Variants in UBR3 observed in about 807,000 individuals in gnomAD.
The protein encoded by UBR3 is ubiquitin protein ligase E3 component n-recognin 3, also known as E3 ubiquitin-protein ligase UBR3.
In UBR3, 85 loss-of-function variants were observed where a neutral mutation model predicts 243.2. The observed-to-expected ratio is 0.35, with a 90% CI of 0.29 to 0.42. The LOEUF (loss-of-function observed/expected upper bound fraction) is 0.42, where lower values mean the gene tolerates loss of function less well. UBR3 is among the 10% of genes least tolerant of loss of function. UBR3 has a pLI of 1.00. For synonymous variants in UBR3, 748 were observed against 799.8 expected (o/e 0.94, Z 1.09); for missense variants, 1,686 against 2,300.8 (o/e 0.73, Z 5.47).
chr2:169,965,931 A>T (rs1264472321), intron 24 of UBR3, among the ~76,000 whole-genome samples: 1 of 152,162 alleles, frequency 6.6e-6, no homozygotes, highest in African/African-American at 2.4e-5. Context: ...GAAGCATAAC[A>T]TACAAAATAT....
intron 1 of UBR3, among the ~76,000 whole-genome samples, chr2:169,867,379 G>T (rs934469491): frequency 6.6e-6 from 1 of 151,830 alleles, no homozygotes; most frequent in African/African-American, 2.4e-5. Context: ...CCTCATTTTT[G>T]TAAAAATCAA....
rs189001491 is a variant in UBR3 at position 170,077,442 on chromosome 2, T to C, written c.5200-2372T>C. ...TTGTTAGGCAAAAGGTGGCTTTCAG[T>C]TCAGGATGTGTTACATGGGCTTTCT... On this transcript the variant is annotated intron_variant, in intron 36 of 38. Transcript: ENST00000272793. 1,067 of 1,485,922 alleles carry C rather than the reference T, an allele frequency of 7.2e-4. 18 individuals are homozygous for C. In the Admixed American group the frequency reaches 0.023, roughly 32 times the overall value. The allele number at this position is 1,485,922 out of a possible 1,614,324, so 92.0% of individuals were successfully genotyped here.
chr2:170,040,798 C>G (rs1013122033), intron 31 of UBR3, 84 bp from the exon 32 acceptor site: 2 of 1,006,394 alleles, frequency 2.0e-6, no homozygotes. Flanking sequence ...TATTTCTGTT[C>G]CATAGATATA....
chr2:170,031,984 T>C (rs1488130006), intron 31 of UBR3, among the ~76,000 whole-genome samples: 1 of 152,202 alleles, frequency 6.6e-6, no homozygotes. Flanking sequence ...GTGATGTACA[T>C]GCAAGTACAT....
intron 19 of UBR3, among the ~76,000 whole-genome samples, chr2:169,939,354 G>T (rs2086479566): frequency 1.3e-5 from 2 of 151,158 alleles, no homozygotes; most frequent in South Asian, 2.1e-4. Context: ...CATCTCCCAG[G>T]TTCATGCCAT....
intron 31 of UBR3, among the ~76,000 whole-genome samples, chr2:170,032,379 G>T (rs2090696067): frequency 6.6e-6 from 1 of 151,902 alleles, no homozygotes; most frequent in Non-Finnish European, 1.5e-5. Flanking sequence ...TGGGTTAATT[G>T]GATATTCACA....
In UBR3 at chr2:169,947,295, G is replaced by T. The variant is rs561096342; in HGVS notation, c.2911-247G>T. 24 of 274,258 alleles carry T rather than the reference G, an allele frequency of 8.8e-5. No individual in the cohort carries two copies. In the South Asian group the frequency reaches 2.8e-3, roughly 32 times the overall value. The allele number at this position is 274,258 out of a possible 1,614,324, so 17.0% of individuals were successfully genotyped here. A position where few individuals can be genotyped will look rare whatever the true frequency, so the allele number is the denominator to read the frequency against. On this transcript the variant is annotated intron_variant, in intron 21 of 38. Coordinates refer to ENST00000272793, the MANE Select transcript of UBR3 (RefSeq NM_172070.4). ...TAGATTGAAAAATGTATTTAAAAAT[G>T]TATTTTAAATCAGGAATTTAGCTGA...
chr2:169,890,565 G>GTATATATATA (rs1159868093), intron 5 of UBR3, among the ~76,000 whole-genome samples: 5 of 71,196 alleles, frequency 7.0e-5, no homozygotes, highest in African/African-American at 1.5e-4. Context: ...ATATATATAT[G>GTATATATATA]TGTATATATA....
chr2:169,906,713 T>C (rs1402873332), intron 10 of UBR3, among the ~76,000 whole-genome samples: 2 of 152,180 alleles, frequency 1.3e-5, no homozygotes, highest in Non-Finnish European at 2.9e-5. Context: ...CCAGTAATCA[T>C]GCTGGACAAG....
intron 1 of UBR3, 108 bp downstream of exon 1, chr2:169,828,160 C>A: frequency 1.4e-6 from 1 of 712,546 alleles, no homozygotes; most frequent in Non-Finnish European, 1.6e-6. Flanking sequence ...GGGGAGGGTG[C>A]GGGGGAGGGT....
At chr2:170,071,940 G>A (rs906741612) in intron 35 of UBR3, among the ~76,000 whole-genome samples, 5 of 152,190 alleles carry the variant, frequency 3.3e-5, no homozygotes, top group African/African-American at 1.2e-4. Flanking sequence ...TGGAGAGGAT[G>A]TGGAGAAATA....
intron 29 of UBR3, among the ~76,000 whole-genome samples, chr2:170,011,528 A>T (rs1313294725): frequency 6.6e-6 from 1 of 151,602 alleles, no homozygotes; most frequent in African/African-American, 2.4e-5. Context: ...TTAGAGCTGG[A>T]TTTCTCCCTG....
intron 24 of UBR3, among the ~76,000 whole-genome samples, chr2:169,985,137 C>T (rs1368402949): frequency 6.6e-6 from 1 of 151,622 alleles, no homozygotes; most frequent in African/African-American, 2.4e-5. Context: ...CTCCTTTGCA[C>T]TTGAGAGCAG....
At chr2:170,042,917 G>C (rs2105433384) in intron 32 of UBR3, among the ~76,000 whole-genome samples, 1 of 152,032 alleles carries the variant, frequency 6.6e-6, no homozygotes, top group South Asian at 2.1e-4. Context: ...CTGTTAAGTA[G>C]TCTTATTAAA....
chr2:169,922,424 T>C (rs1340303839), intron 11 of UBR3, among the ~76,000 whole-genome samples: 2 of 152,194 alleles, frequency 1.3e-5, no homozygotes, highest in African/African-American at 4.8e-5. Flanking sequence ...GGGCAAACTT[T>C]TTAAAATTTT....
chr2:169,868,177 T>C (rs2083319182), intron 1 of UBR3, among the ~76,000 whole-genome samples: 1 of 152,140 alleles, frequency 6.6e-6, no homozygotes, highest in African/African-American at 2.4e-5. Context: ...TGAAACCTCA[T>C]GTATCTCTCA....
Position 170,079,859 on chromosome 2 carries a change from C to G in UBR3, c.5245C>G (p.Gln1749Glu). The change falls in exon 37 of 39, where the codon CAG (glutamine) becomes GAG (glutamate). Residue 1749 changes from glutamine to glutamate, a missense_variant. Transcript: ENST00000272793. ...AAAATGGAAATTACCACACCTACTACAGTTGCCTGAGAATTATAACACCAT... is the reference window on the plus strand; with the variant it reads ...AAAATGGAAATTACCACACCTACTAGAGTTGCCTGAGAATTATAACACCAT... ...ESKWKLPHLL[Q>E]LPENYNTIFQ... 1 of 1,614,046 alleles carries G rather than the reference C, an allele frequency of 6.2e-7. No homozygotes were observed. Among genetic ancestry groups the G allele is most frequent in the Non-Finnish European group, 8.5e-7 (1 of 1,179,946 alleles).
At position 169,949,927 on chromosome 2, in the gene UBR3, A is replaced by G. The variant is rs2105361517; in HGVS notation, c.3407A>G (p.Glu1136Gly). ...CATGGAGATGGTATAACTGCCGTGG[A>G]AAGAATTTTACTAAAAGCTGCATCG... The part of the protein sequence containing the change: ...YSHGDGITAV[E>G]RILLKAASQS... The change falls in exon 23 of 39, where the codon GAA (glutamate) becomes GGA (glycine). Residue 1136 changes from glutamate (E) to glycine (G), a missense_variant. By Grantham distance (98) the Glu-to-Gly change is moderately conservative. This residue lies in a region of UBR3 where 300 missense variants were observed against 314.4 expected (regional missense o/e 0.95). Transcript: ENST00000272793. 2 of 1,613,716 alleles carry G rather than the reference A, an allele frequency of 1.2e-6. No homozygotes were observed. Among genetic ancestry groups the G allele is most frequent in the Non-Finnish European group, 1.7e-6 (2 of 1,179,738 alleles).
At chr2:169,895,403 G>C in intron 7 of UBR3, 92 bp downstream of exon 7, 1 of 1,354,356 alleles carries the variant, frequency 7.4e-7, no homozygotes, top group Non-Finnish European at 9.9e-7. Flanking sequence ...CTCAGGTGAA[G>C]GTTGATATAA....
Sources: gnomAD v4.1 joint callset for allele counts (sites outside exome capture counted in the v4.1 genomes callset) on GRCh38, gnomAD v4.1.1 for gene constraint, gnomAD v4.1.1 regional missense constraint, MANE v1.5 for transcripts, NCBI Gene and HGNC (gene_info 2026-07-23, HGNC 2026-07-21) for gene names.